GSDME: variants seen among roughly 807,000 people sequenced by gnomAD.
The protein encoded by GSDME is gasdermin-E.
GSDME carries 44 observed loss-of-function variants against 47.5 expected under a neutral mutation model. The ratio of observed to expected loss-of-function variants is 0.93; its 90% CI spans 0.73 to 1.19. The LOEUF (loss-of-function observed/expected upper bound fraction) is 1.19. Among genes scored for constraint, GSDME ranks in the 50% most tolerant of loss-of-function variants. The pLI, the probability that GSDME is intolerant of heterozygous loss-of-function variation, is 0.00. For missense variants in GSDME, 663 were observed against 604.2 expected, an observed-to-expected ratio of 1.10 and a Z score of -1.02; for synonymous variants, 258 against 252.8, an observed-to-expected ratio of 1.02 and a Z score of -0.20.
At chr7:24,702,326 A>C (rs17149906) in intron 9 of GSDME, 16,019 of 259,170 alleles carry the variant, frequency 0.062, 640 homozygotes, top group African/African-American at 0.12. Context: ...GAAAGAAGCT[A>C]TGTCTCCCTG....
chr7:24,771,173 T>C, the GSDME span, among the ~76,000 whole-genome samples: 1 of 152,090 alleles, frequency 6.6e-6, no homozygotes, highest in South Asian at 2.1e-4. This position sits in a 1 kb window ranked among gnomAD's most constrained non-coding sequence, Gnocchi z 4.1. Flanking sequence ...GTCAGGTAAC[T>C]GTAAATGCTA....
chr7:24,793,035 C>T, the GSDME span, among the ~76,000 whole-genome samples: 1 of 152,098 alleles, frequency 6.6e-6, no homozygotes, highest in East Asian at 1.9e-4. Flanking sequence ...CCTTTTGCAC[C>T]TATTTTTATT....
intron 6 of GSDME, 54 bp from the exon 7 acceptor site, chr7:24,708,308 G>A (rs543145742): frequency 1.4e-5 from 22 of 1,608,122 alleles, no homozygotes; most frequent in East Asian, 4.5e-5. Context: ...ATCTCACGAC[G>A]TCGGACAGCA....
At chr7:24,759,255 A>G (rs1391455380), upstream of GSDME, among the ~76,000 whole-genome samples, 4 of 152,220 alleles carry the variant, frequency 2.6e-5, no homozygotes, top group African/African-American at 9.6e-5. Flanking sequence ...ACTGACCTTA[A>G]GAATATCCTC....
rs982980181 is a variant in GSDME, at chr7:24,732,484, A to G, written c.404+12078T>C. Among the ~76,000 whole-genome samples the G allele has an allele frequency of 6.6e-6, 1 of 152,238 alleles. No homozygotes were observed. The highest frequency in any genetic ancestry group is 1.5e-5 in the Non-Finnish European group (1 of 68,034). On this transcript the variant is annotated intron_variant, in intron 3 of 9. Transcript: ENST00000645220. This position sits in a 1 kb window ranked among gnomAD's most constrained non-coding sequence, Gnocchi z 4.8. ...ATCAGAACCAAAAATCAGGTGAGCA[A>G]TCACAGTACCTGGTTTTGACTTCAT...
At chr7:24,711,189 A>G (rs1037266193) in intron 5 of GSDME, among the ~76,000 whole-genome samples, 8 of 152,128 alleles carry the variant, frequency 5.3e-5, no homozygotes, top group African/African-American at 1.9e-4. Flanking sequence ...ACTTTTTAAC[A>G]TGTGGGAAAT....
Position 24,726,619 on chromosome 7 carries a change from C to A in GSDME, c.405-7401G>T, listed in dbSNP as rs1437813427. On this transcript the variant is annotated intron_variant, in intron 3 of 9. Coordinates refer to ENST00000645220, the MANE Select transcript of GSDME (RefSeq NM_001127453.2). This position sits in a 1 kb window ranked among gnomAD's most constrained non-coding sequence, Gnocchi z 5.6. ...CGGGCGGATCACGAGGTCAGGAGATCGAGACCATCCTGGTTAATATGGTGA... is the reference window on the plus strand; with the variant it reads ...CGGGCGGATCACGAGGTCAGGAGATAGAGACCATCCTGGTTAATATGGTGA... Among the ~76,000 whole-genome samples, 2 of 152,188 alleles carry A rather than the reference C, an allele frequency of 1.3e-5. 1 individual carries two copies. The highest frequency in any genetic ancestry group is 4.2e-4 in the South Asian group (2 of 4,818).
the GSDME span, among the ~76,000 whole-genome samples, chr7:24,771,990 T>C: frequency 1.3e-5 from 2 of 152,240 alleles, no homozygotes; most frequent in Admixed American, 6.5e-5. This position sits in a 1 kb window ranked among gnomAD's most constrained non-coding sequence, Gnocchi z 4.1. Flanking sequence ...CTTCAGTTCA[T>C]GCGCAACAGC....
Position 24,749,747 on chromosome 7 carries a change from G to A in GSDME, c.28C>T (p.Leu10Phe). ...TCACCATCAGCATCAACTTCTCTAA[G>A]AAAATTCCTGGTTGCTTTGGCAAAC... is the stretch of plus-strand genomic sequence containing the variant. MFAKATRNF[L>F]REVDADGDLI... Residue 10 changes from leucine to phenylalanine, a missense_variant, in exon 2 of 10, where the codon CTT becomes TTT. Leu to Phe is a conservative substitution (Grantham distance 22, BLOSUM62 0). Coordinates refer to ENST00000645220, the MANE Select transcript of GSDME (RefSeq NM_001127453.2). 13 of 1,614,048 alleles carry A rather than the reference G, an allele frequency of 8.1e-6. No homozygotes were observed. The highest frequency in any genetic ancestry group is 1.1e-5 in the Non-Finnish European group (13 of 1,179,966).
chr7:24,745,034 T>TGTGTGTGTGTGG lies in GSDME; in HGVS notation c.212-281_212-280insCCACACACACAC, dbSNP rs1292473229. Among the ~76,000 whole-genome samples, 2 of 135,650 alleles carry TGTGTGTGTGTGG rather than the reference T, an allele frequency of 1.5e-5. No individual in the cohort carries two copies. Among genetic ancestry groups the TGTGTGTGTGTGG allele is most frequent in the African/African-American group, 5.8e-5 (2 of 34,490 alleles). 89.0% of individuals were successfully genotyped at this position (135,650 alleles called of 152,430 possible). A position where few individuals can be genotyped will look rare whatever the true frequency, so the allele number is the denominator to read the frequency against. On this transcript the variant is annotated intron_variant, in intron 2 of 9. Coordinates refer to ENST00000645220, the MANE Select transcript of GSDME (RefSeq NM_001127453.2). This position sits in a 1 kb window ranked among gnomAD's most constrained non-coding sequence, Gnocchi z 4.4. ...GTGTGTGTGTGTGTGTGTGTGTGTG[T>TGTGTGTGTGTGG]GGACCACGGGCACACAGTGGACCAG...
rs151328414 is a variant in GSDME, at chr7:24,699,169, G to A, written c.1348C>T (p.Arg450Cys). Residue 450 changes from arginine (R) to cysteine (C), a missense_variant, in exon 10 of 10, where the codon CGC becomes TGC. Arg to Cys is a radical substitution (Grantham distance 180, BLOSUM62 -3). Transcript: ENST00000645220. ...CTAATGTCAGCTGAGGCAAACAAGCGCTGCACAATCCCAAACCTTTCTGTA... is the reference window on the plus strand; with the variant it reads ...CTAATGTCAGCTGAGGCAAACAAGCACTGCACAATCCCAAACCTTTCTGTA... ...KDTERFGIVQRLFASADISLE... is the reference protein window; with the variant it reads ...KDTERFGIVQCLFASADISLE... 4.6e-4 allele frequency: 745 copies of A among 1,614,118 alleles called. 10 individuals carry two copies. The South Asian group carries it at 7.6e-3, about 17-fold the overall frequency.
chr7:24,717,791 A>G (rs750900856), intron 4 of GSDME, among the ~76,000 whole-genome samples: 21 of 152,288 alleles, frequency 1.4e-4, no homozygotes, highest in Non-Finnish European at 2.8e-4. Context: ...CCCCGTGCAT[A>G]TCACTCCAGA....
the GSDME span, among the ~76,000 whole-genome samples, chr7:24,779,841 G>A: frequency 1.3e-5 from 2 of 152,224 alleles, no homozygotes; most frequent in African/African-American, 4.8e-5. This position sits in a 1 kb window ranked among gnomAD's most constrained non-coding sequence, Gnocchi z 6.0. Context: ...GAAAGGAGAT[G>A]CTTCTCTCTT....
the GSDME span, among the ~76,000 whole-genome samples, chr7:24,785,453 T>A: frequency 2.0e-5 from 3 of 152,138 alleles, no homozygotes; most frequent in Non-Finnish European, 4.4e-5. Context: ...ATTCACTTTT[T>A]TGTTTGTTTG....
At chr7:24,748,637 T>TA (rs766774730) in intron 2 of GSDME, among the ~76,000 whole-genome samples, 5 of 152,230 alleles carry the variant, frequency 3.3e-5, no homozygotes, top group African/African-American at 4.8e-5. Context: ...CCCCATTTTT[T>TA]ATGTCTGACT....
rs1267587262 is a variant in GSDME at position 24,716,914 on chromosome 7, C to T, written c.697+340G>A. ...GCAACTTGCCTGAGACCTCATAGGA[C>T]ATCATGGCACCGGGGTTGATGCCCA... On this transcript the variant is annotated intron_variant, in intron 5 of 9. Coordinates refer to ENST00000645220, the MANE Select transcript of GSDME (RefSeq NM_001127453.2). This position sits in a 1 kb window ranked among gnomAD's most constrained non-coding sequence, Gnocchi z 4.5. 3 of 371,808 alleles carry T rather than the reference C, an allele frequency of 8.1e-6. No individual in the cohort carries two copies. Among genetic ancestry groups the T allele is most frequent in the East Asian group, 6.6e-5 (1 of 15,086 alleles). 23.0% of individuals were successfully genotyped at this position (371,808 alleles called of 1,614,324 possible). A position where few individuals can be genotyped will look rare whatever the true frequency, so the allele number is the denominator to read the frequency against.
chr7:24,741,369 T>C (rs558520569), intron 3 of GSDME, among the ~76,000 whole-genome samples: 38 of 152,194 alleles, frequency 2.5e-4, no homozygotes, highest in African/African-American at 9.2e-4. Flanking sequence ...TCAATAAATT[T>C]GTTATTCTCC....
the GSDME span, among the ~76,000 whole-genome samples, chr7:24,768,195 AAACTC>A: frequency 1.3e-5 from 2 of 152,194 alleles, no homozygotes; most frequent in Non-Finnish European, 2.9e-5. This position sits in a 1 kb window ranked among gnomAD's most constrained non-coding sequence, Gnocchi z 5.6. Context: ...TTGGAGTAAA[AAACTC>A]AACTGCAGTG....
rs955270047 is a variant in GSDME, at chr7:24,714,889, C to T, written c.697+2365G>A. ...GAGCACTCCTGGGCATCCTCAGGTG[C>T]ATGCCAAGATTTCAGAAAGCGTTAC... On this transcript the variant is annotated intron_variant, in intron 5 of 9. Coordinates refer to ENST00000645220, the MANE Select transcript of GSDME (RefSeq NM_001127453.2). The surrounding 1 kb of genome is among the most constrained non-coding windows in gnomAD (Gnocchi z 5.0). Among the ~76,000 whole-genome samples the T allele has an allele frequency of 2.6e-5, 4 of 152,194 alleles. No homozygotes were observed. The highest frequency in any genetic ancestry group is 9.7e-5 in the African/African-American group (4 of 41,448).
Sources: allele counts gnomAD v4.1 joint callset (sites outside exome capture counted in the v4.1 genomes callset), GRCh38; gene constraint gnomAD v4.1.1; non-coding constraint Gnocchi (gnomAD v3.1); transcripts MANE v1.5; gene names NCBI Gene and HGNC (gene_info 2026-07-23, HGNC 2026-07-21).